CFAP43: variants seen among roughly 807,000 people sequenced by gnomAD.
CFAP43 encodes the protein cilia and flagella associated protein 43, also known as cilia- and flagella-associated protein 43.
CFAP43 carries 155 observed loss-of-function variants against 218.9 expected under a neutral mutation model. The ratio of observed to expected loss-of-function variants is 0.71; its 90% CI spans 0.62 to 0.81. The LOEUF is 0.81. Among genes scored for constraint, CFAP43 ranks in the 30% least tolerant of loss-of-function variants. The probability of loss-of-function intolerance (pLI) is 0.00; values close to 1 mark genes in which losing one functional copy is unlikely to be tolerated. For missense variants in CFAP43, 1,778 were observed against 1,954.3 expected, an observed-to-expected ratio of 0.91 and a Z score of 1.70; for synonymous variants, 645 against 681.3, an observed-to-expected ratio of 0.95 and a Z score of 0.83.
intron 31 of CFAP43, among the ~76,000 whole-genome samples, chr10:104,145,190 A>T (rs1480283536): frequency 6.6e-6 from 1 of 152,214 alleles, no homozygotes; most frequent in African/African-American, 2.4e-5. Context: ...CTATGATGTA[A>T]GAGGAACTTC....
intron 27 of CFAP43, among the ~76,000 whole-genome samples, chr10:104,160,720 C>T (rs537092884): frequency 2.8e-4 from 43 of 152,156 alleles, no homozygotes; most frequent in African/African-American, 9.2e-4. Context: ...AATACCTTGC[C>T]GTGACTTGAA....
In CFAP43 at chr10:104,186,111, T is replaced by C; in HGVS notation, c.1873A>G (p.Ile625Val). The change falls in exon 15 of 38, where the codon ATC becomes GTC. Residue 625 changes from isoleucine (I) to valine (V), a missense_variant. Ile to Val is a conservative substitution (Grantham distance 29). Transcript: ENST00000357060. ...TTTTTGTATGGTTTAAGAATGTAGA[T>C]ACCGGTATGTTCCTGCCAATCAAAG... Reference protein sequence around the residue: ...YLLPEEEHTGIYILKPYKKVQ... With the variant: ...YLLPEEEHTGVYILKPYKKVQ... 3.3e-6 allele frequency: 5 copies of C among 1,531,616 alleles called. No homozygotes were observed. The highest frequency in any genetic ancestry group is 4.4e-6 in the Non-Finnish European group (5 of 1,144,908). 94.9% of individuals were successfully genotyped at this position (1,531,616 alleles called of 1,614,324 possible). A position where few individuals can be genotyped will look rare whatever the true frequency, so the allele number is the denominator to read the frequency against.
Position 104,145,508 on chromosome 10 carries a change from A to G in CFAP43, c.3912T>C (p.Asp1304=), listed in dbSNP as rs2087921267. 6.2e-7 allele frequency: 1 copy of G among 1,605,870 alleles called. No homozygotes were observed. ...GGCGTTTAAAAAGTTTGTAGAGTATATCCACTTGATGACCAGGAATTTCAG... is the reference window on the plus strand; with the variant it reads ...GGCGTTTAAAAAGTTTGTAGAGTATGTCCACTTGATGACCAGGAATTTCAG... ...EFSEIPGHQV[D]ILYKLFKRRP... The change falls in exon 31 of 38, where the codon GAT becomes GAC. Residue 1304 remains aspartate (D), a synonymous_variant. Transcript: ENST00000357060.
In CFAP43 at chr10:104,207,790, G is replaced by A; in HGVS notation, c.770C>T (p.Thr257Ile). ...KDDLYPLLHPTMHCWTPTSDL... is the reference protein window; with the variant it reads ...KDDLYPLLHPIMHCWTPTSDL... Reference sequence around the variant, plus strand: ...ACTTGTTGGAGTCCAGCAATGCATAGTCGGGTGAAGCAAAGGATATAGATC... The same window carrying A: ...ACTTGTTGGAGTCCAGCAATGCATAATCGGGTGAAGCAAAGGATATAGATC... Residue 257 changes from threonine (T) to isoleucine (I), a missense_variant, in exon 6 of 38, where the codon ACT becomes ATT. Around this residue, in one of 3 missense-constraint regions of CFAP43, gnomAD observed 1,553 missense variants for 1,685.2 expected, o/e 0.92. Transcript: ENST00000357060. The A allele has an allele frequency of 1.2e-6, 2 of 1,613,946 alleles. No individual in the cohort carries two copies. Among genetic ancestry groups the A allele is most frequent in the Non-Finnish European group, 1.7e-6 (2 of 1,179,980 alleles).
chr10:104,138,843 C>G (rs1232050606), intron 34 of CFAP43, among the ~76,000 whole-genome samples: 1 of 151,900 alleles, frequency 6.6e-6, no homozygotes, highest in African/African-American at 2.4e-5. Flanking sequence ...GGCAAATGTA[C>G]CATACTGATG....
At chr10:104,148,501 G>C (rs1312333412) in intron 28 of CFAP43, among the ~76,000 whole-genome samples, 1 of 152,176 alleles carries the variant, frequency 6.6e-6, no homozygotes, top group Non-Finnish European at 1.5e-5. Context: ...GGGGCCTCAT[G>C]GGAGGTGTTT....
chr10:104,168,674 T>C (rs1335156582), intron 21 of CFAP43, 70 bp downstream of exon 21: 1 of 1,355,008 alleles, frequency 7.4e-7, no homozygotes, highest in East Asian at 2.3e-5. Context: ...CTTAAATTTA[T>C]TTTTAAAACT....
chr10:104,196,712 A>G, intron 10 of CFAP43, 141 bp downstream of exon 10: 1 of 621,594 alleles, frequency 1.6e-6, no homozygotes, highest in East Asian at 3.0e-5. Context: ...ACACACAAGG[A>G]TTACTGTAAA....
At chr10:104,232,134 G>T in intron 1 of CFAP43, 48 bp downstream of exon 1, 1 of 1,578,148 alleles carries the variant, frequency 6.3e-7, no homozygotes, top group Non-Finnish European at 8.6e-7. Flanking sequence ...ACTTGGGGCA[G>T]GAGGTTCCGC....
intron 2 of CFAP43, among the ~76,000 whole-genome samples, chr10:104,226,893 C>A (rs1256747493): frequency 2.0e-5 from 3 of 152,046 alleles, no homozygotes; most frequent in Non-Finnish European, 4.4e-5. Context: ...TGGCAAGCAC[C>A]TGTAATCCCA....
intron 18 of CFAP43, 42 bp downstream of exon 18, chr10:104,179,798 T>C (rs768405721): frequency 1.1e-5 from 16 of 1,446,450 alleles, no homozygotes; most frequent in Non-Finnish European, 1.5e-5. Context: ...TTGGTGCATC[T>C]ACAGAGCACT....
intron 2 of CFAP43, among the ~76,000 whole-genome samples, 177 bp downstream of exon 2, chr10:104,230,413 C>T (rs765090934): frequency 1.3e-4 from 20 of 151,992 alleles, no homozygotes; most frequent in Admixed American, 1.3e-4. Flanking sequence ...TGCAGTGAGC[C>T]AAGATCGCAC....
chr10:104,138,950 A>C (rs1564710680), intron 34 of CFAP43, among the ~76,000 whole-genome samples: 3 of 152,240 alleles, frequency 2.0e-5, no homozygotes, highest in Non-Finnish European at 2.9e-5. Context: ...TGGAAAGGAT[A>C]GACAACATGC....
intron 23 of CFAP43, 52 bp downstream of exon 23, chr10:104,166,436 C>T (rs1388227579): frequency 7.3e-7 from 1 of 1,364,278 alleles, no homozygotes; most frequent in African/African-American, 1.5e-5. Context: ...CCTTGAAAGC[C>T]ACCTAATGGG....
chr10:104,195,964 T>C (rs1420735550), intron 10 of CFAP43, among the ~76,000 whole-genome samples: 3 of 152,230 alleles, frequency 2.0e-5, no homozygotes, highest in African/African-American at 7.2e-5. Context: ...CTTAATTGCA[T>C]TTCTCATCCC....
intron 8 of CFAP43, among the ~76,000 whole-genome samples, chr10:104,202,106 G>A (rs980878708): frequency 1.3e-5 from 2 of 152,180 alleles, no homozygotes; most frequent in Non-Finnish European, 2.9e-5. Context: ...ACGTTAGTGG[G>A]TGTGGCTATG....
rs1363313942 is a variant in CFAP43, at chr10:104,145,745, A to T, written c.3856-181T>A. Among the ~76,000 whole-genome samples, 3 of 152,224 alleles carry T rather than the reference A, an allele frequency of 2.0e-5. No individual in the cohort carries two copies. In the East Asian group the frequency reaches 5.8e-4, roughly 29 times the overall value. On this transcript the variant is annotated intron_variant, in intron 30 of 37. Transcript: ENST00000357060. ...AATGATGTCTCAAAGATTTGTTTTG[A>T]TAAGAAGCATCTAAGTGTATTAAAA...
chr10:104,209,676 A>G (rs1031390778), intron 5 of CFAP43, among the ~76,000 whole-genome samples: 1 of 152,232 alleles, frequency 6.6e-6, no homozygotes, highest in Non-Finnish European at 1.5e-5. Context: ...TGCCCAGAAA[A>G]ACCCAATTTG....
chr10:104,185,214 G>A, intron 15 of CFAP43, 68 bp from the exon 16 acceptor site: 11 of 1,578,774 alleles, frequency 7.0e-6, no homozygotes, highest in South Asian at 2.3e-5. Context: ...TTCTAATGGG[G>A]TTATATGCCC....
Sources: gnomAD v4.1 joint callset for allele counts (sites outside exome capture counted in the v4.1 genomes callset) on GRCh38, gnomAD v4.1.1 for gene constraint, gnomAD v4.1.1 regional missense constraint, MANE v1.5 for transcripts, NCBI Gene and HGNC (gene_info 2026-07-23, HGNC 2026-07-21) for gene names.